The following FHIT variants were observed in gnomAD, a reference collection of about 807,000 sequenced individuals.
The protein encoded by FHIT is fragile histidine triad diadenosine triphosphatase.
A neutral mutation model predicts 17.9 loss-of-function variants in FHIT; 19 were observed. That is an observed-to-expected ratio of 1.06 (90% CI 0.74 to 1.56). The LOEUF (loss-of-function observed/expected upper bound fraction) is 1.56, where lower values mean the gene tolerates loss of function less well. Ranked by LOEUF, FHIT falls within the 40% of genes most tolerant of loss-of-function variation. The pLI is 0.00. For missense variants in FHIT, 248 were observed against 189.2 expected (o/e 1.31, Z -1.82); for synonymous variants, 81 against 69.7 (o/e 1.16, Z -0.81).
intron 4 of FHIT, among the ~76,000 whole-genome samples, chr3:60,636,247 T>C (rs1482881886): frequency 6.6e-6 from 1 of 152,032 alleles, no homozygotes; most frequent in African/African-American, 2.4e-5. Flanking sequence ...ATTTTTATAT[T>C]TTTAGTAGAG....
intron 4 of FHIT, among the ~76,000 whole-genome samples, chr3:60,726,173 C>T (rs1461961278): frequency 1.3e-5 from 2 of 152,054 alleles, no homozygotes; most frequent in Non-Finnish European, 2.9e-5. Context: ...CCTTCTAACT[C>T]AACAAAGGGT....
At chr3:60,833,250 C>T (rs1233778100) in intron 3 of FHIT, among the ~76,000 whole-genome samples, 1 of 152,152 alleles carries the variant, frequency 6.6e-6, no homozygotes, top group Non-Finnish European at 1.5e-5. Context: ...TGGTCCAACC[C>T]CTCCAGTCTT....
intron 7 of FHIT, among the ~76,000 whole-genome samples, chr3:59,985,925 T>G (rs1396230692): frequency 6.6e-6 from 1 of 151,232 alleles, no homozygotes; most frequent in African/African-American, 2.4e-5. Context: ...GTCCCCTCAG[T>G]ACTATACTCC....
chr3:60,085,593 T>G (rs1428073893), intron 5 of FHIT, among the ~76,000 whole-genome samples: 1 of 152,210 alleles, frequency 6.6e-6, no homozygotes, highest in Non-Finnish European at 1.5e-5. Context: ...TTGCTACAAG[T>G]TGAATGCCAC....
chr3:60,834,855 A>G (rs1702473312), intron 3 of FHIT, among the ~76,000 whole-genome samples: 1 of 150,104 alleles, frequency 6.7e-6, no homozygotes. Flanking sequence ...ACTGAGTGAG[A>G]CACTGTCTCA....
intron 5 of FHIT, among the ~76,000 whole-genome samples, chr3:60,339,728 G>A (rs1046131876): frequency 2.0e-5 from 3 of 152,084 alleles, no homozygotes; most frequent in Admixed American, 6.5e-5. Flanking sequence ...TAACTACATC[G>A]TGCTTCGGAA....
intron 5 of FHIT, among the ~76,000 whole-genome samples, chr3:60,254,109 C>A (rs1705863085): frequency 6.8e-6 from 1 of 146,786 alleles, no homozygotes; most frequent in African/African-American, 2.4e-5. Context: ...TCAGCAATAT[C>A]ATCATCATTT....
intron 5 of FHIT, among the ~76,000 whole-genome samples, chr3:60,387,408 A>T (rs1397284539): frequency 6.6e-6 from 1 of 152,112 alleles, no homozygotes; most frequent in Non-Finnish European, 1.5e-5. Flanking sequence ...AAACTTCCCG[A>T]ACTGATCAAA....
At chr3:60,441,725 TG>T in intron 5 of FHIT, among the ~76,000 whole-genome samples, 2 of 95,084 alleles carry the variant, frequency 2.1e-5, no homozygotes, top group African/African-American at 3.7e-5. Context: ...TATATATATT[TG>T]TATTTATATA....
intron 5 of FHIT, among the ~76,000 whole-genome samples, chr3:60,086,605 G>T (rs1190157837): frequency 6.6e-6 from 1 of 152,198 alleles, no homozygotes; most frequent in Admixed American, 6.5e-5. Context: ...TTCCAAAAGG[G>T]AGAAATTGGC....
At chr3:60,617,320 C>G (rs2038980275) in intron 4 of FHIT, 1 of 186,710 alleles carries the variant, frequency 5.4e-6, no homozygotes, top group African/African-American at 2.4e-5. Context: ...CTTAGGGATT[C>G]TATGAGTTCC....
intron 3 of FHIT, among the ~76,000 whole-genome samples, chr3:60,934,022 TTAAA>T (rs1477524834): frequency 6.6e-6 from 1 of 152,124 alleles, no homozygotes; most frequent in Non-Finnish European, 1.5e-5. Flanking sequence ...TTGAGGTTAA[TTAAA>T]TAGTGATGAC....
intron 5 of FHIT, among the ~76,000 whole-genome samples, chr3:60,357,985 G>C (rs2106979487): frequency 6.6e-6 from 1 of 152,286 alleles, no homozygotes; most frequent in East Asian, 1.9e-4. Context: ...GAACATGTTA[G>C]AAGTTCGAAC....
At chr3:60,556,846 G>T (rs1195852433) in intron 4 of FHIT, among the ~76,000 whole-genome samples, 1 of 152,204 alleles carries the variant, frequency 6.6e-6, no homozygotes, top group East Asian at 1.9e-4. Flanking sequence ...CACTGTCTAG[G>T]AAATACTGTG....
chr3:61,043,464 A>G (rs2107696747), intron 2 of FHIT, among the ~76,000 whole-genome samples: 1 of 152,302 alleles, frequency 6.6e-6, no homozygotes, highest in East Asian at 1.9e-4. Context: ...GTAGGAAAAC[A>G]AAGAGGCCCA....
At chr3:61,029,502 C>T (rs974194025) in intron 3 of FHIT, among the ~76,000 whole-genome samples, 18 of 152,084 alleles carry the variant, frequency 1.2e-4, no homozygotes, top group Admixed American at 1.0e-3. Flanking sequence ...ACTAAGCCAT[C>T]CAGTACCACT....
At chr3:60,381,629 A>G (rs953399989) in intron 5 of FHIT, among the ~76,000 whole-genome samples, 6 of 152,222 alleles carry the variant, frequency 3.9e-5, no homozygotes, top group Admixed American at 3.9e-4. Flanking sequence ...TTGACTGCCA[A>G]TCTCTCTTTC....
intron 2 of FHIT, among the ~76,000 whole-genome samples, chr3:61,140,545 C>G (rs1471136015): frequency 6.6e-6 from 1 of 152,136 alleles, no homozygotes; most frequent in Non-Finnish European, 1.5e-5. Context: ...TCCTATTAAC[C>G]TAGCACAGAC....
intron 5 of FHIT, among the ~76,000 whole-genome samples, chr3:60,091,319 G>C (rs1028487459): frequency 6.6e-6 from 1 of 152,192 alleles, no homozygotes; most frequent in African/African-American, 2.4e-5. Context: ...AAGAGGAAGG[G>C]TCTTTGGTTT....
Sources: allele counts gnomAD v4.1 joint callset (sites outside exome capture counted in the v4.1 genomes callset), GRCh38; gene constraint gnomAD v4.1.1; transcripts MANE v1.5; gene names NCBI Gene and HGNC (gene_info 2026-07-23, HGNC 2026-07-21).